Variants in TEX36 observed in about 807,000 individuals in gnomAD.
TEX36 encodes testis expressed 36, also known as testis-expressed protein 36.
Under a neutral mutation model 13.6 loss-of-function variants are expected in TEX36, and 12 were observed. The observed-to-expected ratio is 0.88, with a 90% CI of 0.56 to 1.43. The LOEUF (loss-of-function observed/expected upper bound fraction) is 1.43. TEX36 is among the 40% of genes most tolerant of loss of function. The pLI, the probability that TEX36 is intolerant of heterozygous loss-of-function variation, is 0.00. For synonymous variants in TEX36, 93 were observed against 83.0 expected (o/e 1.12, Z -0.65); for missense variants, 224 against 228.3 (o/e 0.98, Z 0.12).
intron 3 of TEX36, among the ~76,000 whole-genome samples, chr10:125,580,278 G>C (rs1297352260): frequency 6.6e-6 from 1 of 152,200 alleles, no homozygotes. Flanking sequence ...GAAAGCAAAA[G>C]CGTGACTCTA....
intron 3 of TEX36, among the ~76,000 whole-genome samples, chr10:125,594,827 G>A (rs1198349887): frequency 1.3e-5 from 2 of 152,160 alleles, no homozygotes; most frequent in Admixed American, 1.3e-4. Flanking sequence ...AAAGAAAGCT[G>A]AATGAAGAAA....
chr10:125,679,388 C>T (rs1457957624), intron 1 of TEX36, among the ~76,000 whole-genome samples: 3 of 152,132 alleles, frequency 2.0e-5, no homozygotes, highest in African/African-American at 4.8e-5. Context: ...TGCAGTCTGT[C>T]AAAAGATAGA....
At chr10:125,660,278 C>T (rs1167734370) in intron 3 of TEX36, among the ~76,000 whole-genome samples, 2 of 152,034 alleles carry the variant, frequency 1.3e-5, no homozygotes, top group East Asian at 1.9e-4. Flanking sequence ...GCATGCACCA[C>T]CACACCTGGT....
chr10:125,588,216 C>T (rs1195979870), intron 3 of TEX36, among the ~76,000 whole-genome samples: 2 of 152,206 alleles, frequency 1.3e-5, no homozygotes, highest in African/African-American at 2.4e-5. Context: ...TACCAATTTA[C>T]ATTCCAAAAG....
chr10:125,586,664 A>G (rs1845955222), intron 3 of TEX36, among the ~76,000 whole-genome samples: 1 of 145,878 alleles, frequency 6.9e-6, no homozygotes, highest in African/African-American at 2.5e-5. Context: ...AAAATTAGCC[A>G]GGCATGGTGT....
intron 1 of TEX36, among the ~76,000 whole-genome samples, chr10:125,675,807 C>T (rs1472617086): frequency 6.6e-6 from 1 of 152,206 alleles, no homozygotes; most frequent in Non-Finnish European, 1.5e-5. Flanking sequence ...GAACCTCCAA[C>T]CACAGCTGTT....
intron 3 of TEX36, among the ~76,000 whole-genome samples, chr10:125,606,689 A>G (rs1846220060): frequency 6.6e-6 from 1 of 152,202 alleles, no homozygotes; most frequent in African/African-American, 2.4e-5. Flanking sequence ...ATATTTCTAT[A>G]TTACTGTTCC....
intron 3 of TEX36, among the ~76,000 whole-genome samples, chr10:125,657,096 G>A (rs1846958756): frequency 6.6e-6 from 1 of 152,170 alleles, no homozygotes; most frequent in African/African-American, 2.4e-5. Context: ...ACAACTAGAT[G>A]AAAACTAAGA....
chr10:125,578,236 G>A (rs1382169473), intron 3 of TEX36: 1 of 152,178 alleles, frequency 6.6e-6, no homozygotes, highest in Non-Finnish European at 1.5e-5. Flanking sequence ...TGTTCTGAGA[G>A]CTGCTGATAA....
At chr10:125,665,302 G>A (rs943647197) in intron 1 of TEX36, among the ~76,000 whole-genome samples, 32 of 152,068 alleles carry the variant, frequency 2.1e-4, no homozygotes, top group African/African-American at 7.2e-4. Context: ...GGAGATCTTA[G>A]TCATAAATTT....
intron 1 of TEX36, among the ~76,000 whole-genome samples, chr10:125,679,714 T>C (rs1847366366): frequency 1.3e-5 from 2 of 152,260 alleles, no homozygotes; most frequent in African/African-American, 4.8e-5. Context: ...CTGTCACTTC[T>C]CTGTTGAATT....
chr10:125,629,844 G>C (rs974760237), intron 3 of TEX36, among the ~76,000 whole-genome samples: 2 of 152,042 alleles, frequency 1.3e-5, no homozygotes, highest in African/African-American at 4.8e-5. Context: ...GGTTAGGTCC[G>C]CAAGGCCCTA....
chr10:125,610,848 C>A (rs1373624873), intron 3 of TEX36, among the ~76,000 whole-genome samples: 3 of 152,162 alleles, frequency 2.0e-5, no homozygotes, highest in African/African-American at 7.2e-5. Context: ...CTCTAGTGTG[C>A]TATAATGCTC....
At chr10:125,602,201 G>A (rs989862528) in intron 3 of TEX36, among the ~76,000 whole-genome samples, 7 of 152,164 alleles carry the variant, frequency 4.6e-5, no homozygotes, top group South Asian at 2.1e-4. Flanking sequence ...AGGCAGAAAC[G>A]CTGCCTGGTT....
chr10:125,588,019 C>T (rs934824425), intron 3 of TEX36, among the ~76,000 whole-genome samples: 9 of 152,296 alleles, frequency 5.9e-5, no homozygotes, highest in African/African-American at 2.2e-4. Context: ...TCTATTTAAT[C>T]ATTGCACTGG....
intron 1 of TEX36, among the ~76,000 whole-genome samples, chr10:125,671,987 C>G (rs1274877443): frequency 3.3e-5 from 5 of 152,110 alleles, no homozygotes; most frequent in African/African-American, 1.2e-4. Flanking sequence ...TCCCCTTTAT[C>G]ATTTTTCATT....
At chr10:125,676,369 T>G (rs1232309929) in intron 1 of TEX36, among the ~76,000 whole-genome samples, 1 of 152,192 alleles carries the variant, frequency 6.6e-6, no homozygotes, top group Non-Finnish European at 1.5e-5. Context: ...ATAATGACCT[T>G]CTTTGTATTT....
chr10:125,632,266 G>A (rs979866500), intron 3 of TEX36, among the ~76,000 whole-genome samples: 3 of 152,104 alleles, frequency 2.0e-5, no homozygotes, highest in Non-Finnish European at 2.9e-5. Flanking sequence ...TGATGTGCTC[G>A]TGAGACGTCC....
chr10:125,583,898 C>T lies in TEX36; in HGVS notation c.265-7024G>A, dbSNP rs1464666893. ...CAGCCTTTTCATCCTGTGACTTTAC[C>T]GCTTCTCCCACCCAGAGAGGCAGAA... is the stretch of plus-strand genomic sequence containing the variant. On this transcript the variant is annotated intron_variant, in intron 3 of 3. Transcript: ENST00000532135. 4.6e-5 allele frequency among the ~76,000 whole-genome samples: 7 copies of T among 152,130 alleles called. No homozygotes were observed. The South Asian group carries it at 1.0e-3, about 23-fold the overall frequency.
Sources: allele counts gnomAD v4.1 joint callset (sites outside exome capture counted in the v4.1 genomes callset), GRCh38; gene constraint gnomAD v4.1.1; transcripts MANE v1.5; gene names NCBI Gene and HGNC (gene_info 2026-07-23, HGNC 2026-07-21).